The following ZNF354C variants were observed in gnomAD, a reference collection of about 807,000 sequenced individuals.
ZNF354C encodes KRAB-zinc finger protein synten.
ZNF354C carries 7 observed loss-of-function variants against 12.4 expected under a neutral mutation model. The observed-to-expected ratio is 0.56, with a 90% CI of 0.32 to 1.06. The LOEUF is 1.06. Ranked by LOEUF, ZNF354C falls within the 50% of genes least tolerant of loss-of-function variation. The pLI is 0.04. For missense variants in ZNF354C, 609 were observed against 658.0 expected, an observed-to-expected ratio of 0.93 and a Z score of 0.81; for synonymous variants, 202 against 224.5, an observed-to-expected ratio of 0.90 and a Z score of 0.90.
At position 179,064,113 on chromosome 5, in the gene ZNF354C, C is replaced by T. The variant is rs535070743; in HGVS notation, c.27+2018C>T. 2.6e-5 allele frequency among the ~76,000 whole-genome samples: 4 copies of T among 152,334 alleles called. No individual in the cohort carries two copies. The East Asian group carries it at 5.8e-4, about 22-fold the overall frequency. Reference sequence around the variant, plus strand: ...TCGCCTACATCCACAGCAGGAGAGACTTACTTCATTTTAGCCAAGGGCAGA... The same window carrying T: ...TCGCCTACATCCACAGCAGGAGAGATTTACTTCATTTTAGCCAAGGGCAGA... On this transcript the variant is annotated intron_variant, in intron 2 of 4. Coordinates refer to ENST00000315475, the MANE Select transcript of ZNF354C (RefSeq NM_014594.3).
At position 179,077,145 on chromosome 5, in the gene ZNF354C, G is replaced by T. The variant is rs750420157; in HGVS notation, c.229G>T (p.Val77Phe). Residue 77 changes from valine (V) to phenylalanine (F), a missense_variant, in exon 4 of 5, where the codon GTC becomes TTC. Transcript: ENST00000315475. ...AGATCCCTGCATGGTGGAAAGAGAA[G>T]TCCCTTCAGATACCCGTCTAGGTAA... ...GEDPCMVERE[V>F]PSDTRLGFKT... 5 of 1,614,192 alleles carry T rather than the reference G, an allele frequency of 3.1e-6. No homozygotes were observed. The highest frequency in any genetic ancestry group is 4.2e-6 in the Non-Finnish European group (5 of 1,180,018).
At chr5:179,072,297 A>G (rs956675303) in intron 2 of ZNF354C, among the ~76,000 whole-genome samples, 11 of 152,046 alleles carry the variant, frequency 7.2e-5, no homozygotes, top group Non-Finnish European at 1.5e-4. Flanking sequence ...AAATTGTAAA[A>G]AAAAAAAATT....
chr5:179,070,988 A>G (rs983900303), intron 2 of ZNF354C, among the ~76,000 whole-genome samples: 2 of 151,398 alleles, frequency 1.3e-5, no homozygotes, highest in African/African-American at 4.9e-5. Context: ...AGCTGGGACT[A>G]CAGGCGCCTG....
In ZNF354C at chr5:179,079,164, C is replaced by G; in HGVS notation, c.732C>G (p.Tyr244Ter). ...HQRIHTGEKP[Y>*]KCNECEKTFS... ...GAATTCATACAGGTGAGAAACCCTA[C>G]AAATGTAATGAGTGTGAAAAAACCT... Residue 244 changes from tyrosine (Y) to a stop codon, truncating the protein, a stop_gained, in exon 5 of 5, where the codon TAC (tyrosine) becomes TAG (stop). Coordinates refer to ENST00000315475, the MANE Select transcript of ZNF354C (RefSeq NM_014594.3). LOFTEE classifies it low-confidence loss of function (END_TRUNC). The surrounding 1 kb of genome is among the most constrained non-coding windows in gnomAD (Gnocchi z 4.2). 1 of 1,613,650 alleles carries G rather than the reference C, an allele frequency of 6.2e-7. No individual in the cohort carries two copies. Among genetic ancestry groups the G allele is most frequent in the Non-Finnish European group, 8.5e-7 (1 of 1,179,982 alleles).
chr5:179,065,604 CG>C (rs1293153353), intron 2 of ZNF354C, among the ~76,000 whole-genome samples: 1 of 151,942 alleles, frequency 6.6e-6, no homozygotes. Context: ...TTGATAAAAA[CG>C]GGGTTTCACC....
intron 2 of ZNF354C, among the ~76,000 whole-genome samples, chr5:179,069,003 C>T (rs1018784821): frequency 6.6e-6 from 1 of 152,198 alleles, no homozygotes; most frequent in Non-Finnish European, 1.5e-5. Context: ...AGCCTAAAGG[C>T]CTCATTTTAA....
At position 179,080,071 on chromosome 5, in the gene ZNF354C, A is replaced by G. The variant is rs755058914; in HGVS notation, c.1639A>G (p.Lys547Glu). ...SSLTQYQRFF[K>E]GDKAYEV Reference sequence around the variant, plus strand: ...ACTTACCCAGTATCAGAGATTTTTTAAAGGAGATAAAGCCTATGAGGTTTA... The same window carrying G: ...ACTTACCCAGTATCAGAGATTTTTTGAAGGAGATAAAGCCTATGAGGTTTA... The change falls in exon 5 of 5, where the codon AAA (lysine) becomes GAA (glutamate). Residue 547 changes from lysine to glutamate, a missense_variant. Coordinates refer to ENST00000315475, the MANE Select transcript of ZNF354C (RefSeq NM_014594.3). The G allele has an allele frequency of 1.3e-6, 2 of 1,585,734 alleles. No homozygotes were observed.
chr5:179,074,302 T>G (rs2113119360), intron 2 of ZNF354C, among the ~76,000 whole-genome samples: 1 of 151,304 alleles, frequency 6.6e-6, no homozygotes, highest in South Asian at 2.1e-4. Context: ...TTTTTTTTTT[T>G]TTTTTAGTAG....
At chr5:179,067,068 A>C (rs1761966357) in intron 2 of ZNF354C, among the ~76,000 whole-genome samples, 1 of 152,242 alleles carries the variant, frequency 6.6e-6, no homozygotes, top group Admixed American at 6.5e-5. Context: ...ATATGAAATG[A>C]CAGTAATCAT....
intron 2 of ZNF354C, among the ~76,000 whole-genome samples, chr5:179,075,770 T>C (rs990069032): frequency 6.6e-6 from 1 of 152,246 alleles, no homozygotes. Flanking sequence ...ATCTACCTCA[T>C]TCTATTTAGC....
At chr5:179,066,448 C>T (rs991843560) in intron 2 of ZNF354C, among the ~76,000 whole-genome samples, 2 of 152,240 alleles carry the variant, frequency 1.3e-5, no homozygotes, top group Non-Finnish European at 2.9e-5. Context: ...TCTATCTTCC[C>T]TCCTGTCTTC....
rs376313600 is a variant in ZNF354C, at chr5:179,079,988, C to G, written c.1556C>G (p.Thr519Arg). Reference protein sequence around the residue: ...SNLCRHKKVHTKEKLYKWKEY... With the variant: ...SNLCRHKKVHRKEKLYKWKEY... ...CTTTGTAGACACAAAAAAGTTCACA[C>G]GAAAGAGAAACTCTATAAGTGGAAG... The change falls in exon 5 of 5, where the codon ACG becomes AGG. Residue 519 changes from threonine to arginine, a missense_variant. Coordinates refer to ENST00000315475, the MANE Select transcript of ZNF354C (RefSeq NM_014594.3). This position sits in a 1 kb window ranked among gnomAD's most constrained non-coding sequence, Gnocchi z 4.2. 1 of 1,613,968 alleles carries G rather than the reference C, an allele frequency of 6.2e-7. No homozygotes were observed. The highest frequency in any genetic ancestry group is 1.1e-5 in the South Asian group (1 of 91,064).
At chr5:179,061,971 T>C in intron 1 of ZNF354C, 44 bp from the exon 2 acceptor site, 1 of 1,364,890 alleles carries the variant, frequency 7.3e-7, no homozygotes, top group Non-Finnish European at 1.0e-6. Context: ...CTCCAAGCCA[T>C]CTCCTGACGC....
At chr5:179,067,555 T>C (rs1381089462) in intron 2 of ZNF354C, among the ~76,000 whole-genome samples, 1 of 152,158 alleles carries the variant, frequency 6.6e-6, no homozygotes, top group African/African-American at 2.4e-5. Context: ...AGTATAATCT[T>C]CCACATTTGT....
chr5:179,068,083 C>T (rs563767986), intron 2 of ZNF354C, among the ~76,000 whole-genome samples: 1 of 151,846 alleles, frequency 6.6e-6, no homozygotes, highest in South Asian at 2.1e-4. Flanking sequence ...ATCACTTGAG[C>T]CCAGGAGTTC....
In ZNF354C at chr5:179,079,317, T is replaced by C; in HGVS notation, c.885T>C (p.Thr295=). ...STLIKHLRVH[T]GEKPYRCREC... ...TTATCAAACATCTGAGAGTGCATACTGGAGAGAAACCGTATCGATGTAGGG... is the reference window on the plus strand; with the variant it reads ...TTATCAAACATCTGAGAGTGCATACCGGAGAGAAACCGTATCGATGTAGGG... The change falls in exon 5 of 5, where the codon ACT becomes ACC. Residue 295 remains threonine, a synonymous_variant. Transcript: ENST00000315475. The surrounding 1 kb of genome is among the most constrained non-coding windows in gnomAD (Gnocchi z 4.2). 6.2e-7 allele frequency: 1 copy of C among 1,614,136 alleles called. No individual in the cohort carries two copies. The highest frequency in any genetic ancestry group is 8.5e-7 in the Non-Finnish European group (1 of 1,180,020).
chr5:179,078,323 G>GA (rs1294694603), intron 4 of ZNF354C, among the ~76,000 whole-genome samples: 8 of 152,200 alleles, frequency 5.3e-5, no homozygotes, highest in African/African-American at 1.9e-4. Flanking sequence ...ATGCATAGTG[G>GA]AAAATGATGA....
intron 2 of ZNF354C, among the ~76,000 whole-genome samples, chr5:179,072,200 T>C (rs1369293750): frequency 6.6e-6 from 1 of 151,688 alleles, no homozygotes; most frequent in Non-Finnish European, 1.5e-5. Context: ...AAGAATGAAC[T>C]AATAGGAAAT....
chr5:179,062,631 G>A (rs1307552703), intron 2 of ZNF354C, among the ~76,000 whole-genome samples: 1 of 152,136 alleles, frequency 6.6e-6, no homozygotes, highest in African/African-American at 2.4e-5. Context: ...GTTTATACTG[G>A]AGGCCAGGAC....
Sources: allele counts gnomAD v4.1 joint callset (sites outside exome capture counted in the v4.1 genomes callset), GRCh38; gene constraint gnomAD v4.1.1; non-coding constraint Gnocchi (gnomAD v3.1); transcripts MANE v1.5; gene names NCBI Gene and HGNC (gene_info 2026-07-23, HGNC 2026-07-21).